ZNF827: variants seen among roughly 807,000 people sequenced by gnomAD.
ZNF827 encodes the protein zinc finger protein 827.
ZNF827 carries 13 observed loss-of-function variants against 102.4 expected under a neutral mutation model. The observed-to-expected ratio is 0.13, with a 90% confidence interval of 0.08 to 0.20. The LOEUF is 0.20. Among genes scored for constraint, ZNF827 ranks in the 10% least tolerant of loss-of-function variants. The pLI is 1.00. For synonymous variants in ZNF827, 523 were observed against 536.2 expected, an observed-to-expected ratio of 0.98 and a Z score of 0.34; for missense variants, 1,103 against 1,344.4, an observed-to-expected ratio of 0.82 and a Z score of 2.81.
chr4:145,800,407 G>A (rs995655938), intron 8 of ZNF827, among the ~76,000 whole-genome samples: 1 of 150,810 alleles, frequency 6.6e-6, no homozygotes, highest in Non-Finnish European at 1.5e-5. Context: ...AGGCTGGAAT[G>A]CAGTGGCATG....
chr4:145,869,223 A>G (rs147604517), intron 5 of ZNF827, among the ~76,000 whole-genome samples: 12 of 152,366 alleles, frequency 7.9e-5, no homozygotes, highest in African/African-American at 2.9e-4. Context: ...ACTGGTAAGT[A>G]CAGGAATTTC....
intron 7 of ZNF827, among the ~76,000 whole-genome samples, chr4:145,829,222 G>A (rs1743962745): frequency 6.6e-6 from 1 of 152,120 alleles, no homozygotes; most frequent in Admixed American, 6.5e-5. Context: ...AAAAGAAAAA[G>A]ATTAAATAAA....
chr4:145,855,073 C>T (rs1453131213), intron 5 of ZNF827, among the ~76,000 whole-genome samples: 1 of 152,218 alleles, frequency 6.6e-6, no homozygotes, highest in African/African-American at 2.4e-5. Context: ...ATCCTCCCTT[C>T]CTGGGCCCTC....
rs1734582280 is a variant in ZNF827, at chr4:145,761,952, A to C, written c.*18-354T>G. On this transcript the variant is annotated intron_variant, in intron 14 of 14. Coordinates refer to ENST00000508784, the MANE Select transcript of ZNF827 (RefSeq NM_001306215.2). This position sits in a 1 kb window ranked among gnomAD's most constrained non-coding sequence, Gnocchi z 6.8. ...CGCCCGGCCCCTCGGAGCCCTCCCC[A>C]CTCCCGACCAGACAGCGCAGAGGTC... Among the ~76,000 whole-genome samples the C allele has an allele frequency of 6.8e-6, 1 of 147,074 alleles. No homozygotes were observed.
chr4:145,881,845 G>A (rs572161445), intron 4 of ZNF827, among the ~76,000 whole-genome samples: 1 of 152,192 alleles, frequency 6.6e-6, no homozygotes, highest in Non-Finnish European at 1.5e-5. Flanking sequence ...AAACTGCACT[G>A]ATGAAAACCG....
chr4:145,761,698 T>C lies in ZNF827; in HGVS notation c.*18-100A>G. The C allele has an allele frequency of 1.3e-6, 1 of 745,580 alleles. No homozygotes were observed. Among genetic ancestry groups the C allele is most frequent in the South Asian group, 1.7e-5 (1 of 58,224 alleles). The allele number at this position is 745,580 out of a possible 1,614,324, so 46.2% of individuals were successfully genotyped here. On this transcript the variant is annotated intron_variant, in intron 14 of 14. Transcript: ENST00000508784. The surrounding 1 kb of genome is among the most constrained non-coding windows in gnomAD (Gnocchi z 6.8). ...AGCCTTCCCTCACACCACCCCCCAG[T>C]GTCTGAGGCCTGGCCTGCCCAGCCC...
intron 7 of ZNF827, among the ~76,000 whole-genome samples, chr4:145,837,581 A>G (rs943849393): frequency 2.6e-5 from 4 of 152,124 alleles, no homozygotes; most frequent in Admixed American, 1.3e-4. Flanking sequence ...GCCGGTTTAC[A>G]CTGTTTTTCC....
intron 11 of ZNF827, among the ~76,000 whole-genome samples, chr4:145,772,922 A>T (rs894039006): frequency 6.6e-6 from 1 of 152,156 alleles, no homozygotes; most frequent in African/African-American, 2.4e-5. Context: ...GTTAGTTGTG[A>T]AGTTTCCACT....
At chr4:145,926,739 T>C (rs1753456572) in intron 1 of ZNF827, among the ~76,000 whole-genome samples, 2 of 152,210 alleles carry the variant, frequency 1.3e-5, no homozygotes, top group African/African-American at 4.8e-5. Flanking sequence ...TAAAAATAAA[T>C]TAATAGTTAA....
intron 1 of ZNF827, among the ~76,000 whole-genome samples, chr4:145,928,143 G>A (rs12331851): frequency 0.069 from 10,426 of 152,188 alleles, 626 homozygotes; most frequent in African/African-American, 0.16. Context: ...CCATCAATAA[G>A]CTGACCAGGC....
At chr4:145,807,198 G>C (rs1294852745) in intron 8 of ZNF827, among the ~76,000 whole-genome samples, 1 of 152,168 alleles carries the variant, frequency 6.6e-6, no homozygotes, top group African/African-American at 2.4e-5. Context: ...TGTTGTACAA[G>C]ATGTTTAGCA....
rs183857359 is a variant in ZNF827 at position 145,897,235 on chromosome 4, A to T, written c.1094-4820T>A. On this transcript the variant is annotated intron_variant, in intron 2 of 14. Transcript: ENST00000508784. ...CAAAACTTCATTGGGCTAAAAAAAA[A>T]TTTTTTTAAATCACGGAGGGTTGTA... Among the ~76,000 whole-genome samples, 887 of 152,270 alleles carry T rather than the reference A, an allele frequency of 5.8e-3. 7 individuals are homozygous for T. The highest frequency in any genetic ancestry group is 0.018 in the African/African-American group (751 of 41,540).
At chr4:145,923,905 A>C (rs1225090834) in intron 1 of ZNF827, among the ~76,000 whole-genome samples, 2 of 152,236 alleles carry the variant, frequency 1.3e-5, no homozygotes, top group Non-Finnish European at 2.9e-5. Context: ...TCCTAAAACC[A>C]AAATGTTTGA....
At chr4:145,935,071 G>A (rs763654952) in intron 1 of ZNF827, among the ~76,000 whole-genome samples, 13 of 151,892 alleles carry the variant, frequency 8.6e-5, no homozygotes, top group Non-Finnish European at 1.5e-4. Flanking sequence ...CTCCTCCTCC[G>A]TTACACACTC....
chr4:145,853,407 T>A (rs539988527), intron 5 of ZNF827, among the ~76,000 whole-genome samples: 30 of 152,282 alleles, frequency 2.0e-4, no homozygotes, highest in African/African-American at 5.1e-4. Context: ...AAATAGTCAT[T>A]TTATCCCAGG....
intron 7 of ZNF827, among the ~76,000 whole-genome samples, chr4:145,825,218 G>A (rs1265440893): frequency 6.6e-6 from 1 of 152,238 alleles, no homozygotes; most frequent in Non-Finnish European, 1.5e-5. Context: ...GGACAGTAGG[G>A]TCATTAGGGT....
intron 1 of ZNF827, among the ~76,000 whole-genome samples, chr4:145,918,332 C>CAAAAAAAAAA (rs34428145): frequency 1.8e-4 from 4 of 22,144 alleles, no homozygotes; most frequent in African/African-American, 9.1e-4. Context: ...TAGCTCAAGG[C>CAAAAAAAAAA]AAAAAAAAAA....
intron 6 of ZNF827, among the ~76,000 whole-genome samples, chr4:145,849,105 T>C (rs1404483720): frequency 6.6e-6 from 1 of 152,178 alleles, no homozygotes; most frequent in African/African-American, 2.4e-5. Flanking sequence ...TTTCAAGTGA[T>C]TCTTAACTAT....
chr4:145,890,068 AT>A (rs1750475452), intron 3 of ZNF827, among the ~76,000 whole-genome samples: 3 of 152,156 alleles, frequency 2.0e-5, no homozygotes, highest in Non-Finnish European at 4.4e-5. Flanking sequence ...GACTACAACC[AT>A]TATATTTCCA....
Sources: allele counts gnomAD v4.1 joint callset (sites outside exome capture counted in the v4.1 genomes callset), GRCh38; gene constraint gnomAD v4.1.1; non-coding constraint Gnocchi (gnomAD v3.1); transcripts MANE v1.5; gene names NCBI Gene and HGNC (gene_info 2026-07-23, HGNC 2026-07-21).